STXBP5L: variants seen among roughly 807,000 people sequenced by gnomAD.
STXBP5L encodes the protein syntaxin-binding protein 5-like.
In STXBP5L, 65 loss-of-function variants were observed where a neutral mutation model predicts 144.5. The observed-to-expected ratio is 0.45, with a 90% CI of 0.37 to 0.55. The LOEUF is 0.55. Ranked by LOEUF, STXBP5L falls within the 20% of genes least tolerant of loss-of-function variation. STXBP5L has a pLI of 0.00. For synonymous variants in STXBP5L, 505 were observed against 469.6 expected (o/e 1.08, Z -0.97); for missense variants, 1,298 against 1,405.5 (o/e 0.92, Z 1.22).
At chr3:121,333,911 C>G (rs989285959) in intron 20 of STXBP5L, among the ~76,000 whole-genome samples, 1 of 151,806 alleles carries the variant, frequency 6.6e-6, no homozygotes, top group African/African-American at 2.4e-5. Flanking sequence ...TGGCTGTGTC[C>G]CCACCCAGAT....
At position 121,157,554 on chromosome 3, in the gene STXBP5L, C is replaced by T. The variant is rs775331294; in HGVS notation, c.804C>T (p.Ser268=). The change falls in exon 9 of 27, where the codon AGC becomes AGT. Residue 268 remains serine, a synonymous_variant. Transcript: ENST00000471454. ...ATGAGGGCAAACAGTTCATGTGCAG[C>T]CATTCAGATGGTAGTTTGACTTTAT... ...WHHEGKQFMC[S]HSDGSLTLWN... is the part of the protein sequence containing the mutation. 50 of 1,602,028 alleles carry T rather than the reference C, an allele frequency of 3.1e-5. No individual in the cohort carries two copies. The highest frequency in any genetic ancestry group is 5.2e-5 in the Admixed American group (3 of 57,594).
intron 9 of STXBP5L, 167 bp downstream of exon 9, chr3:121,157,794 C>T: frequency 1.2e-6 from 1 of 855,280 alleles, no homozygotes; most frequent in Admixed American, 4.1e-5. Flanking sequence ...GTACCCCAAA[C>T]TTTCCATACT....
intron 20 of STXBP5L, among the ~76,000 whole-genome samples, chr3:121,368,374 A>G (rs1297188333): frequency 6.6e-6 from 1 of 151,546 alleles, no homozygotes; most frequent in Non-Finnish European, 1.5e-5. Context: ...TTGTTCATAC[A>G]TCCTTTACTT....
intron 20 of STXBP5L, among the ~76,000 whole-genome samples, chr3:121,344,289 G>A (rs1257027491): frequency 2.0e-5 from 3 of 152,168 alleles, no homozygotes; most frequent in South Asian, 2.1e-4. Context: ...CTAAAACCAT[G>A]AAAACCCTAA....
At chr3:120,959,696 A>G (rs1319424586) in intron 3 of STXBP5L, among the ~76,000 whole-genome samples, 1 of 152,230 alleles carries the variant, frequency 6.6e-6, no homozygotes, top group East Asian at 1.9e-4. Context: ...AAAACTGGCT[A>G]GCCATATGTA....
At chr3:121,125,165 T>C (rs2044648134) in intron 7 of STXBP5L, among the ~76,000 whole-genome samples, 1 of 152,086 alleles carries the variant, frequency 6.6e-6, no homozygotes, top group Admixed American at 6.6e-5. Context: ...AAGTTAAGGT[T>C]CCTACAAAAT....
chr3:121,188,157 A>C (rs1017362865), intron 9 of STXBP5L, among the ~76,000 whole-genome samples: 1 of 152,158 alleles, frequency 6.6e-6, no homozygotes, highest in African/African-American at 2.4e-5. Context: ...GATATCCAGG[A>C]CTTGAACTCA....
At position 120,941,208 on chromosome 3, in the gene STXBP5L, C is replaced by T. The variant is rs141911256; in HGVS notation, c.190-13732C>T. 5.6e-3 allele frequency among the ~76,000 whole-genome samples: 851 copies of T among 151,740 alleles called. 12 individuals are homozygous for T. The highest frequency in any genetic ancestry group is 8.5e-3 in the Non-Finnish European group (574 of 67,700). On this transcript the variant is annotated intron_variant, in intron 2 of 26. Transcript: ENST00000471454. ...TAGTATTTTGAATGCTTATAAGGCT[C>T]TTGAGCTTTAAACAATAGAATCTCT...
intron 22 of STXBP5L, among the ~76,000 whole-genome samples, chr3:121,395,841 G>A (rs1212401856): frequency 6.6e-6 from 1 of 152,174 alleles, no homozygotes; most frequent in Non-Finnish European, 1.5e-5. Context: ...GGGTGGCTGT[G>A]TTCGACAGGT....
chr3:121,148,699 C>G (rs538386995), intron 7 of STXBP5L, among the ~76,000 whole-genome samples: 2 of 152,126 alleles, frequency 1.3e-5, no homozygotes, highest in African/African-American at 4.8e-5. Context: ...GTTGGTATAA[C>G]CACTTTGGAA....
intron 2 of STXBP5L, among the ~76,000 whole-genome samples, chr3:120,948,526 C>G (rs975291891): frequency 6.6e-6 from 1 of 151,618 alleles, no homozygotes; most frequent in Non-Finnish European, 1.5e-5. Context: ...TACACTGTAC[C>G]CAATGTGTAG....
chr3:121,181,152 AAG>A (rs1491501425), intron 9 of STXBP5L, among the ~76,000 whole-genome samples: 1 of 130,472 alleles, frequency 7.7e-6, no homozygotes, highest in Non-Finnish European at 1.6e-5. Context: ...GAGAGGAGAA[AAG>A]AGGGGAGGGG....
In STXBP5L at chr3:121,195,584, A is replaced by C. The variant is rs114980268; in HGVS notation, c.878-10339A>C. The stretch of plus-strand genomic sequence containing the variant: ...ATCCTCCAGGTTCATCCAAGTTGTC[A>C]TAAATGTCAGGATTTACTTTATTAT... On this transcript the variant is annotated intron_variant, in intron 9 of 26. Transcript: ENST00000471454. Among the ~76,000 whole-genome samples the C allele has an allele frequency of 3.4e-3, 525 of 152,334 alleles. 3 individuals are homozygous for C. Among genetic ancestry groups the C allele is most frequent in the Non-Finnish European group, 5.4e-3 (367 of 68,028 alleles).
chr3:121,147,110 C>G (rs2045741425), intron 7 of STXBP5L, among the ~76,000 whole-genome samples: 1 of 151,894 alleles, frequency 6.6e-6, no homozygotes, highest in Non-Finnish European at 1.5e-5. Context: ...ACAACTTAAC[C>G]AAGTTGACAC....
chr3:121,303,790 A>G (rs143108966), intron 19 of STXBP5L, among the ~76,000 whole-genome samples: 22,975 of 152,022 alleles, frequency 0.15, 1,938 homozygotes, highest in Non-Finnish European at 0.2. Context: ...AAAAAACCAA[A>G]CACTACATAT....
chr3:121,016,149 C>A (rs903424664), intron 3 of STXBP5L, among the ~76,000 whole-genome samples: 2 of 152,120 alleles, frequency 1.3e-5, no homozygotes, highest in South Asian at 4.1e-4. Flanking sequence ...AGGTCATTTA[C>A]CTCAGTTCCT....
chr3:121,195,076 C>T (rs1164637775), intron 9 of STXBP5L, among the ~76,000 whole-genome samples: 1 of 151,894 alleles, frequency 6.6e-6, no homozygotes, highest in African/African-American at 2.4e-5. Context: ...CCACCATGCC[C>T]AGCTAATTTT....
At chr3:121,018,487 A>C (rs1252672105) in intron 3 of STXBP5L, among the ~76,000 whole-genome samples, 2 of 151,210 alleles carry the variant, frequency 1.3e-5, no homozygotes, top group Non-Finnish European at 2.9e-5. Context: ...TAGTCTTTGA[A>C]ACAAGTGATG....
chr3:121,172,522 G>T (rs2331610), intron 9 of STXBP5L, among the ~76,000 whole-genome samples: 15,109 of 152,032 alleles, frequency 0.099, 1,186 homozygotes, highest in Admixed American at 0.2. Flanking sequence ...TGGGCAAAGG[G>T]TATCTACAGG....
Sources: gnomAD v4.1 joint callset for allele counts (sites outside exome capture counted in the v4.1 genomes callset) on GRCh38, gnomAD v4.1.1 for gene constraint, MANE v1.5 for transcripts, NCBI Gene and HGNC (gene_info 2026-07-23, HGNC 2026-07-21) for gene names.